The following HERC1 variants were observed in gnomAD, a reference collection of about 807,000 sequenced individuals.
The protein encoded by HERC1 is HECT and RLD domain containing E3 ubiquitin protein ligase family member 1, also known as probable E3 ubiquitin-protein ligase HERC1.
Under a neutral mutation model 554.3 loss-of-function variants are expected in HERC1, and 160 were observed. That is an observed-to-expected ratio of 0.29 (90% confidence interval 0.25 to 0.33). The LOEUF (loss-of-function observed/expected upper bound fraction) is 0.33, where lower values mean the gene tolerates loss of function less well. HERC1 is among the 10% of genes least tolerant of loss of function. The pLI is 1.00. For missense variants in HERC1, 4,919 were observed against 5,918.5 expected (o/e 0.83, Z 5.54); for synonymous variants, 2,175 against 2,131.7 (o/e 1.02, Z -0.56).
chr15:63,663,781 CAATA>C (rs1238592852), intron 43 of HERC1, among the ~76,000 whole-genome samples: 3 of 152,024 alleles, frequency 2.0e-5, no homozygotes, highest in Non-Finnish European at 2.9e-5. Context: ...AAAAAAACTT[CAATA>C]AATATTGGCT....
At chr15:63,722,066 T>C (rs994014555) in intron 19 of HERC1, among the ~76,000 whole-genome samples, 16 of 152,194 alleles carry the variant, frequency 1.1e-4, no homozygotes, top group African/African-American at 3.9e-4. Flanking sequence ...GGTTTTGCCA[T>C]GTTGGCCAGG....
rs535510295 is a variant in HERC1, at chr15:63,823,867, G to A, written c.-27+9960C>T. ...AAAGAACAATTAACAAAATGAAAAC[G>A]TAGCCTACGGATTTGGAGAAAATAT... On this transcript the variant is annotated intron_variant, in intron 1 of 77. Transcript: ENST00000443617. 1.1e-3 allele frequency among the ~76,000 whole-genome samples: 171 copies of A among 152,186 alleles called. 1 individual carries two copies. Among genetic ancestry groups the A allele is most frequent in the African/African-American group, 4.1e-3 (169 of 41,510 alleles).
intron 38 of HERC1, among the ~76,000 whole-genome samples, chr15:63,673,552 C>G (rs2071042151): frequency 6.6e-6 from 1 of 152,200 alleles, no homozygotes; most frequent in Admixed American, 6.5e-5. Flanking sequence ...AGGTACTCAA[C>G]AAACATTGAC....
intron 25 of HERC1, among the ~76,000 whole-genome samples, chr15:63,706,312 T>C (rs1440731079): frequency 6.6e-6 from 1 of 152,008 alleles, no homozygotes; most frequent in Non-Finnish European, 1.5e-5. Context: ...TTTATCTTAA[T>C]AGGCCAAGAG....
chr15:63,637,421 G>A, intron 64 of HERC1, 84 bp downstream of exon 64: 2 of 1,155,962 alleles, frequency 1.7e-6, no homozygotes, highest in Non-Finnish European at 2.5e-6. Flanking sequence ...ATCTAGCAAA[G>A]GTTTGAGAAG....
intron 8 of HERC1, among the ~76,000 whole-genome samples, chr15:63,751,379 T>G (rs890711673): frequency 6.6e-5 from 10 of 152,174 alleles, no homozygotes; most frequent in Non-Finnish European, 5.9e-5. Flanking sequence ...CCATCTAGGT[T>G]TGTGTGGTAC....
In HERC1 at chr15:63,636,365, G is replaced by A. The variant is rs113580718; in HGVS notation, c.12233-223C>T. 9.4e-3 allele frequency among the ~76,000 whole-genome samples: 1,424 copies of A among 151,004 alleles called. 11 individuals carry two copies. Among genetic ancestry groups the A allele is most frequent in the Middle Eastern group, 0.017 (5 of 294 alleles). On this transcript the variant is annotated intron_variant, in intron 64 of 77. Coordinates refer to ENST00000443617, the MANE Select transcript of HERC1 (RefSeq NM_003922.4). The stretch of plus-strand genomic sequence containing the variant: ...GGCTCACTGCAACCTCCACCTCCCC[G>A]GTTCAAGTGATTCTCTTGCCTCAGC...
chr15:63,789,385 C>T (rs529890176), intron 1 of HERC1, among the ~76,000 whole-genome samples: 18 of 151,764 alleles, frequency 1.2e-4, no homozygotes, highest in African/African-American at 3.4e-4. Context: ...CCACCGCGCC[C>T]GGCCAAAAGG....
At chr15:63,811,650 T>A (rs2099921) in intron 1 of HERC1, among the ~76,000 whole-genome samples, 123,070 of 151,436 alleles carry the variant, frequency 0.81, 51,785 homozygotes, top group Non-Finnish European at 0.87. Context: ...TCTCCTAAAA[T>A]TATACAAAAT....
chr15:63,823,424 C>T (rs1218020636), intron 1 of HERC1, among the ~76,000 whole-genome samples: 1 of 152,134 alleles, frequency 6.6e-6, no homozygotes, highest in Non-Finnish European at 1.5e-5. Context: ...ATAATTATTC[C>T]CATTTTATAG....
chr15:63,618,452 G>A (rs1458134364), intron 74 of HERC1, among the ~76,000 whole-genome samples: 2 of 151,896 alleles, frequency 1.3e-5, no homozygotes, highest in African/African-American at 2.4e-5. Context: ...CTCCAGCTTT[G>A]TTCTTTTGGC....
intron 33 of HERC1, among the ~76,000 whole-genome samples, chr15:63,688,965 T>C (rs2071944252): frequency 1.3e-5 from 2 of 152,148 alleles, no homozygotes; most frequent in Non-Finnish European, 2.9e-5. Flanking sequence ...TTTAAAACCA[T>C]AAATCAAAGC....
chr15:63,805,135 T>C (rs955991658), intron 1 of HERC1, among the ~76,000 whole-genome samples: 8 of 152,352 alleles, frequency 5.3e-5, no homozygotes, highest in Middle Eastern at 3.4e-3. Flanking sequence ...TCAGTATTTA[T>C]AGCGTCTTTA....
intron 38 of HERC1, 103 bp downstream of exon 38, chr15:63,674,235 AAATT>A: frequency 1.0e-6 from 1 of 967,128 alleles, no homozygotes; most frequent in Non-Finnish European, 1.4e-6. Flanking sequence ...ACCAAAAAAA[AAATT>A]TTTTTTTTTT....
chr15:63,814,262 AT>A (rs1399315958), intron 1 of HERC1, among the ~76,000 whole-genome samples: 3 of 152,164 alleles, frequency 2.0e-5, no homozygotes, highest in Non-Finnish European at 4.4e-5. Context: ...TCTAAAAATC[AT>A]TTTTTACAAC....
At chr15:63,648,783 C>T (rs1454746161) in intron 54 of HERC1, among the ~76,000 whole-genome samples, 3 of 152,112 alleles carry the variant, frequency 2.0e-5, no homozygotes, top group African/African-American at 4.8e-5. Flanking sequence ...TCACTGTATG[C>T]TTTTTAAAAC....
In HERC1 at chr15:63,655,860, T is replaced by C. The variant is rs1490199829; in HGVS notation, c.9966A>G (p.Glu3322=). 13 of 1,610,098 alleles carry C rather than the reference T, an allele frequency of 8.1e-6. No individual in the cohort carries two copies. Among genetic ancestry groups the C allele is most frequent in the Non-Finnish European group, 1.1e-5 (13 of 1,178,168 alleles). Residue 3322 remains glutamate (E), a synonymous_variant, in exon 50 of 78, where the codon GAA becomes GAG. Transcript: ENST00000443617. ...FLPSFLRGIA[E]ENKLVTSPNF... ...TTGGGGAGGTCACAAGCTTGTTCTC[T>C]TCAGCAATTCCTCGGAGAAAGCTGG...
Position 63,694,581 on chromosome 15 carries a change from C to T in HERC1, c.5243-32G>A. 1 of 1,565,876 alleles carries T rather than the reference C, an allele frequency of 6.4e-7. No homozygotes were observed. The highest frequency in any genetic ancestry group is 8.8e-7 in the Non-Finnish European group (1 of 1,137,890). ...GACAAAGAGACAGTTAAGAATCTTC[C>T]TTTCAGTAAACAAAGCATTTATTAA... On this transcript the variant is annotated intron_variant, in intron 28 of 77. Coordinates refer to ENST00000443617, the MANE Select transcript of HERC1 (RefSeq NM_003922.4). The surrounding 1 kb of genome is among the most constrained non-coding windows in gnomAD (Gnocchi z 4.3).
At chr15:63,789,019 T>C (rs1269701382) in intron 1 of HERC1, among the ~76,000 whole-genome samples, 3 of 150,986 alleles carry the variant, frequency 2.0e-5, no homozygotes, top group East Asian at 3.9e-4. Context: ...AAAAGTAAAC[T>C]TGATAAAATG....
Sources: gnomAD v4.1 joint callset for allele counts (sites outside exome capture counted in the v4.1 genomes callset) on GRCh38, gnomAD v4.1.1 for gene constraint, Gnocchi (gnomAD v3.1) non-coding constraint, MANE v1.5 for transcripts, NCBI Gene and HGNC (gene_info 2026-07-23, HGNC 2026-07-21) for gene names.